The following MAD1L1 variants were observed in gnomAD, a reference collection of about 807,000 sequenced individuals.
MAD1L1 encodes the protein mitotic spindle assembly checkpoint protein MAD1.
Under a neutral mutation model 96.9 loss-of-function variants are expected in MAD1L1, and 95 were observed. The observed-to-expected ratio is 0.98, with a 90% CI of 0.83 to 1.16. The LOEUF (loss-of-function observed/expected upper bound fraction) is 1.16. Ranked by LOEUF, MAD1L1 falls within the 50% of genes most tolerant of loss-of-function variation. The probability of loss-of-function intolerance (pLI) is 0.00; values close to 1 mark genes in which losing one functional copy is unlikely to be tolerated. For missense variants in MAD1L1, 1,007 were observed against 954.4 expected (o/e 1.06, Z -0.73); for synonymous variants, 473 against 396.6 (o/e 1.19, Z -2.29).
At chr7:1,912,173 G>A (rs114559158) in intron 17 of MAD1L1, among the ~76,000 whole-genome samples, 2,362 of 152,330 alleles carry the variant, frequency 0.016, 55 homozygotes, top group African/African-American at 0.055. Flanking sequence ...CCCTGCGTGC[G>A]GGTACAGACC....
chr7:2,126,212 A>G (rs1005056718), intron 11 of MAD1L1, among the ~76,000 whole-genome samples: 2 of 152,322 alleles, frequency 1.3e-5, no homozygotes, highest in East Asian at 1.9e-4. Flanking sequence ...GGGAGCCGAG[A>G]GCAGACACAG....
intron 11 of MAD1L1, among the ~76,000 whole-genome samples, chr7:2,127,533 C>T (rs1007948398): frequency 6.6e-6 from 1 of 152,142 alleles, no homozygotes; most frequent in Admixed American, 6.5e-5. Context: ...GTAGGAAAGA[C>T]CAAGGTCCAG....
chr7:2,154,271 A>G (rs1162674547), intron 10 of MAD1L1, among the ~76,000 whole-genome samples: 2 of 152,230 alleles, frequency 1.3e-5, no homozygotes, highest in East Asian at 3.8e-4. Context: ...CACTCATGGG[A>G]GCTGTGGAAA....
chr7:2,000,932 G>T (rs1243620008), intron 14 of MAD1L1, among the ~76,000 whole-genome samples: 1 of 152,172 alleles, frequency 6.6e-6, no homozygotes, highest in African/African-American at 2.4e-5. Flanking sequence ...CCCATTCCCA[G>T]CCTAGGCCCT....
chr7:2,132,208 TGA>T (rs1293385954), intron 11 of MAD1L1, among the ~76,000 whole-genome samples: 1 of 152,172 alleles, frequency 6.6e-6, no homozygotes, highest in Non-Finnish European at 1.5e-5. Context: ...TGAGGAGAAA[TGA>T]GAGTTCTCAT....
chr7:2,081,677 G>A (rs541340455), intron 11 of MAD1L1, among the ~76,000 whole-genome samples: 21 of 152,354 alleles, frequency 1.4e-4, no homozygotes, highest in Admixed American at 2.0e-4. Context: ...GGGGTCCGCC[G>A]TCACTGTTCC....
chr7:1,932,447 G>T (rs915897198), intron 17 of MAD1L1, among the ~76,000 whole-genome samples: 1 of 152,244 alleles, frequency 6.6e-6, no homozygotes, highest in Non-Finnish European at 1.5e-5. Context: ...AAGTTTTTAA[G>T]GCCTTGAACC....
chr7:1,948,965 G>T (rs1779357699), intron 16 of MAD1L1, among the ~76,000 whole-genome samples: 1 of 152,226 alleles, frequency 6.6e-6, no homozygotes, highest in Admixed American at 6.5e-5. Context: ...GTACAACACA[G>T]GAGGGGCTGG....
chr7:2,094,019 A>ACGGT (rs1786350089), intron 11 of MAD1L1, among the ~76,000 whole-genome samples: 2 of 152,206 alleles, frequency 1.3e-5, no homozygotes, highest in African/African-American at 4.8e-5. Context: ...GCGGGCGCAG[A>ACGGT]CGGTCGTCTG....
At chr7:2,056,926 G>A (rs771655034) in intron 12 of MAD1L1, among the ~76,000 whole-genome samples, 3 of 152,184 alleles carry the variant, frequency 2.0e-5, no homozygotes, top group Non-Finnish European at 4.4e-5. Flanking sequence ...CCAAGTACCC[G>A]TGCAGCTATC....
intron 11 of MAD1L1, among the ~76,000 whole-genome samples, chr7:2,080,662 A>T (rs1785595916): frequency 6.6e-6 from 1 of 152,274 alleles, no homozygotes; most frequent in Middle Eastern, 3.4e-3. Flanking sequence ...GTCCATCCCC[A>T]GGCAGCTGGA....
chr7:2,116,827 C>T (rs2128559205), intron 11 of MAD1L1, among the ~76,000 whole-genome samples: 1 of 152,352 alleles, frequency 6.6e-6, no homozygotes, highest in African/African-American at 2.4e-5. Context: ...AGGTGGTCTG[C>T]ACCCTGCCTC....
intron 15 of MAD1L1, among the ~76,000 whole-genome samples, chr7:1,975,910 G>C (rs550555713): frequency 6.6e-5 from 10 of 152,314 alleles, no homozygotes; most frequent in African/African-American, 2.4e-4. Flanking sequence ...GAATTAGCAA[G>C]CGTCTAACCA....
At chr7:1,886,232 C>T (rs1313630421) in intron 18 of MAD1L1, among the ~76,000 whole-genome samples, 1 of 152,204 alleles carries the variant, frequency 6.6e-6, no homozygotes, top group Non-Finnish European at 1.5e-5. Flanking sequence ...GGGGTAAGTA[C>T]CCCTCCAAGA....
At chr7:1,903,503 C>G (rs1787405188) in intron 17 of MAD1L1, among the ~76,000 whole-genome samples, 1 of 147,198 alleles carries the variant, frequency 6.8e-6, no homozygotes. Context: ...TGATCAAGCA[C>G]TGTTCCAGGC....
At chr7:1,867,672 G>T (rs749666738) in intron 18 of MAD1L1, among the ~76,000 whole-genome samples, 18 of 152,206 alleles carry the variant, frequency 1.2e-4, no homozygotes, top group Non-Finnish European at 2.4e-4. Context: ...TGCAGGCAGG[G>T]AGAAGGGCCA....
chr7:2,156,495 A>C (rs1196472214), intron 10 of MAD1L1, among the ~76,000 whole-genome samples: 5 of 151,656 alleles, frequency 3.3e-5, no homozygotes, highest in Non-Finnish European at 4.4e-5. Context: ...ACACACAACT[A>C]CTTCCGGAAC....
At chr7:1,922,128 A>C (rs138666580) in intron 17 of MAD1L1, among the ~76,000 whole-genome samples, 1 of 152,258 alleles carries the variant, frequency 6.6e-6, no homozygotes, top group Non-Finnish European at 1.5e-5. Context: ...GGAGAGCCAC[A>C]GGCTGCAGGC....
At chr7:2,014,294 G>A (rs1200078189) in intron 13 of MAD1L1, among the ~76,000 whole-genome samples, 4 of 152,154 alleles carry the variant, frequency 2.6e-5, no homozygotes, top group Admixed American at 6.5e-5. Flanking sequence ...CCCTGACAGC[G>A]GAGGATGCTG....
Sources: allele counts gnomAD v4.1 joint callset (sites outside exome capture counted in the v4.1 genomes callset), GRCh38; gene constraint gnomAD v4.1.1; transcripts MANE v1.5; gene names NCBI Gene and HGNC (gene_info 2026-07-23, HGNC 2026-07-21).